Variants in ABCD4 observed in about 807,000 individuals in gnomAD.
ABCD4 encodes lysosomal cobalamin transporter ABCD4.
In ABCD4, 53 loss-of-function variants were observed where a neutral mutation model predicts 86.3. That is an observed-to-expected ratio of 0.61 (90% CI 0.49 to 0.77). The LOEUF (loss-of-function observed/expected upper bound fraction) is 0.77. Among genes scored for constraint, ABCD4 ranks in the 30% least tolerant of loss-of-function variants. ABCD4 has a pLI of 0.00. For synonymous variants in ABCD4, 328 were observed against 313.6 expected, an observed-to-expected ratio of 1.05 and a Z score of -0.49; for missense variants, 757 against 764.5, an observed-to-expected ratio of 0.99 and a Z score of 0.12.
At chr14:74,293,833 T>A (rs990874048) in intron 7 of ABCD4, 2 of 152,190 alleles carry the variant, frequency 1.3e-5, no homozygotes, top group African/African-American at 4.8e-5. Context: ...CTCAGGGCCA[T>A]GGCAGCAGAT....
At chr14:74,289,189 C>T in intron 14 of ABCD4, 1 of 1,234,990 alleles carries the variant, frequency 8.1e-7, no homozygotes, top group Admixed American at 3.9e-5. Flanking sequence ...CCTCAGAATG[C>T]TGGGCGAAGG....
chr14:74,290,505 T>C lies in ABCD4; in HGVS notation c.1119-6A>G. The C allele has an allele frequency of 1.3e-5, 21 of 1,611,344 alleles. No individual in the cohort carries two copies. The highest frequency in any genetic ancestry group is 1.7e-5 in the Non-Finnish European group (20 of 1,179,848). On this transcript the variant is annotated splice_region_variant and splice_polypyrimidine_tract_variant and intron_variant, in intron 11 of 18. Coordinates refer to ENST00000356924, the MANE Select transcript of ABCD4 (RefSeq NM_005050.4). ...CCGCTGGCCACCCTGGGGGTCTGTG[T>C]CAGAGAAGAGAGGGGGCGTGAGGAA...
In ABCD4 at chr14:74,292,538, GACACGGC is replaced by G. The variant is rs1312996596; in HGVS notation, c.1028+6_1028+12del. 1 of 1,613,380 alleles carries G rather than the reference GACACGGC, an allele frequency of 6.2e-7. No individual in the cohort carries two copies. The highest frequency in any genetic ancestry group is 2.2e-5 in the East Asian group (1 of 44,856). ...CTTTGCTCAGGAGCCAGAGGGGTGG[GACACGGC>G]CTCACCTGTGCGTGTAGCCAGCCAC... is the stretch of plus-strand genomic sequence containing the variant. On this transcript the variant is annotated splice_donor_region_variant and intron_variant, in intron 10 of 18. Transcript: ENST00000356924.
At chr14:74,299,987 A>G in intron 2 of ABCD4, 163 bp downstream of exon 2, 1 of 583,928 alleles carries the variant, frequency 1.7e-6, no homozygotes, top group Non-Finnish European at 3.0e-6. Flanking sequence ...CACTTGAACC[A>G]GGGAGGCAGA....
chr14:74,297,831 C>T (rs2140050418), intron 4 of ABCD4, 99 bp downstream of exon 4: 2 of 1,485,942 alleles, frequency 1.3e-6, no homozygotes, highest in Non-Finnish European at 1.8e-6. Flanking sequence ...AAAACGACTG[C>T]AGATGATCTC....
At chr14:74,295,694 A>C in intron 6 of ABCD4, 160 bp downstream of exon 6, 3 of 906,590 alleles carry the variant, frequency 3.3e-6, no homozygotes, top group Non-Finnish European at 5.0e-6. Context: ...TTTCCACTTT[A>C]GAGACAAGAA....
intron 15 of ABCD4, 110 bp downstream of exon 15, chr14:74,288,606 A>G: frequency 7.9e-7 from 1 of 1,273,332 alleles, no homozygotes; most frequent in Non-Finnish European, 1.1e-6. Context: ...TCTCCACCCC[A>G]GGTTCAGACT....
intron 16 of ABCD4, 77 bp from the exon 17 acceptor site, chr14:74,287,963 G>A (rs2139739858): frequency 1.5e-6 from 2 of 1,376,036 alleles, no homozygotes; most frequent in East Asian, 4.9e-5. Context: ...GTCTGGGTAG[G>A]AAGAGGTTTC....
chr14:74,292,622 G>A lies in ABCD4; in HGVS notation c.957C>T (p.Tyr319=), dbSNP rs952881708. The part of the protein sequence containing the change: ...LVSKNAFVCI[Y]LISCFTQLID... ...TGAGCTGGGTGAAGCAGCTGATGAGGTAGATGCACACAAAGGCATTCTGGA... is the reference window on the plus strand; with the variant it reads ...TGAGCTGGGTGAAGCAGCTGATGAGATAGATGCACACAAAGGCATTCTGGA... The change falls in exon 10 of 19, where the codon TAC becomes TAT. Residue 319 remains tyrosine, a synonymous_variant. Transcript: ENST00000356924. The A allele has an allele frequency of 3.1e-6, 5 of 1,613,394 alleles. No homozygotes were observed. The highest frequency in any genetic ancestry group is 2.7e-5 in the African/African-American group (2 of 74,688).
At chr14:74,296,107 T>A in intron 5 of ABCD4, 128 bp from the exon 6 acceptor site, 1 of 1,294,964 alleles carries the variant, frequency 7.7e-7, no homozygotes, top group East Asian at 2.4e-5. Context: ...ATGGGCCCTC[T>A]GCTCCTATGT....
chr14:74,296,352 T>G lies in ABCD4; in HGVS notation c.523A>C (p.Thr175Pro). The change falls in exon 5 of 19, where the codon ACT (threonine) becomes CCT (proline). Residue 175 changes from threonine to proline, a missense_variant. Physicochemically the swap from Thr to Pro is conservative, Grantham distance 38. Transcript: ENST00000356924. The stretch of plus-strand genomic sequence containing the variant: ...CTTCACCTTTGGAAGCACTGGTAAG[T>G]GTAGTAGACGAGGGTGAACGGGGAG... The part of the protein sequence containing the change: ...IISPFTLVYY[T>P]YQCFQSTGWL... 1 of 1,614,048 alleles carries G rather than the reference T, an allele frequency of 6.2e-7. No homozygotes were observed. The highest frequency in any genetic ancestry group is 8.5e-7 in the Non-Finnish European group (1 of 1,180,000).
chr14:74,293,294 C>T (rs1205695841), intron 7 of ABCD4, 46 bp from the exon 8 acceptor site: 1 of 1,593,152 alleles, frequency 6.3e-7, no homozygotes, highest in Non-Finnish European at 8.6e-7. Flanking sequence ...AGAGGTTCAG[C>T]CAGGTTGGGG....
In ABCD4 at chr14:74,295,676, C is replaced by T. The variant is rs79816563; in HGVS notation, c.668+178G>A. ...TCCTCCTAATCCTCTCAGTAGGCAACGGTACCATTTCCACTTTAGAGACAA... is the reference window on the plus strand; with the variant it reads ...TCCTCCTAATCCTCTCAGTAGGCAATGGTACCATTTCCACTTTAGAGACAA... On this transcript the variant is annotated intron_variant, in intron 6 of 18. Transcript: ENST00000356924. 1,567 of 766,654 alleles carry T rather than the reference C, an allele frequency of 2.0e-3. 14 individuals carry two copies. In the African/African-American group the frequency reaches 0.026, roughly 13 times the overall value. 47.5% of individuals were successfully genotyped at this position (766,654 alleles called of 1,614,324 possible).
chr14:74,286,820 A>AG lies in ABCD4; in HGVS notation c.1637-5dup. On this transcript the variant is annotated splice_region_variant and splice_polypyrimidine_tract_variant and intron_variant, in intron 17 of 18. Transcript: ENST00000356924. ...GCACTGGTGGCTTCATCAAGCACTG[A>AG]GGGGGCAGAGCACAGAGGAAGAGAT... 4 of 1,613,488 alleles carry AG rather than the reference A, an allele frequency of 2.5e-6. No homozygotes were observed. Among genetic ancestry groups the AG allele is most frequent in the South Asian group, 1.1e-5 (1 of 91,050 alleles).
chr14:74,292,175 CTCCT>C, intron 11 of ABCD4, 108 bp downstream of exon 11: 1 of 948,188 alleles, frequency 1.1e-6, no homozygotes, highest in Non-Finnish European at 1.7e-6. Flanking sequence ...TTTCCATTTA[CTCCT>C]TACAACTCTG....
At chr14:74,299,785 G>T in intron 2 of ABCD4, 110 bp from the exon 3 acceptor site, 1 of 1,140,798 alleles carries the variant, frequency 8.8e-7, no homozygotes. Context: ...AAAGGGGCCG[G>T]GCGCGGTGGC....
At position 74,288,740 on chromosome 14, in the gene ABCD4, C is replaced by CAAGAT; in HGVS notation, c.1477_1481dup (p.Arg495SerfsTer2). 1 of 1,613,850 alleles carries CAAGAT rather than the reference C, an allele frequency of 6.2e-7. No homozygotes were observed. Among genetic ancestry groups the CAAGAT allele is most frequent in the Non-Finnish European group, 8.5e-7 (1 of 1,179,922 alleles). On this transcript the variant is annotated frameshift_variant, in exon 15 of 19. Coordinates refer to ENST00000356924, the MANE Select transcript of ABCD4 (RefSeq NM_005050.4). LOFTEE classifies it high-confidence loss of function. Reference sequence around the variant, plus strand: ...CCAGGCCTGCCAATTCCAAGAACCTCAAGATCCTCTCATCATCGGCAGAAC... The same window carrying CAAGAT: ...CCAGGCCTGCCAATTCCAAGAACCTCAAGATAAGATCCTCTCATCATCGGCAGAAC...
At chr14:74,299,927 G>T (rs2083912352) in intron 2 of ABCD4, 2 of 588,058 alleles carry the variant, frequency 3.4e-6, no homozygotes, top group Non-Finnish European at 6.0e-6. Flanking sequence ...GTCGGGCGTG[G>T]TGGTGGGTGC....
At chr14:74,297,609 A>T in intron 4 of ABCD4, 1 of 599,962 alleles carries the variant, frequency 1.7e-6, no homozygotes, top group Non-Finnish European at 2.1e-6. Context: ...CCCAGGCTAG[A>T]GTACAGTGGC....
Sources: gnomAD v4.1 joint callset for allele counts on GRCh38, gnomAD v4.1.1 for gene constraint, MANE v1.5 for transcripts, NCBI Gene and HGNC (gene_info 2026-07-23, HGNC 2026-07-21) for gene names.